MYO6: variants seen among roughly 807,000 people sequenced by gnomAD.
The protein encoded by MYO6 is myosin VI.
In MYO6, 74 loss-of-function variants were observed where a neutral mutation model predicts 178.7. The observed-to-expected ratio is 0.41, with a 90% CI of 0.34 to 0.50. The LOEUF is 0.50. Among genes scored for constraint, MYO6 ranks in the 20% least tolerant of loss-of-function variants. The pLI is 0.09. For synonymous variants in MYO6, 477 were observed against 504.6 expected, an observed-to-expected ratio of 0.95 and a Z score of 0.73; for missense variants, 1,330 against 1,547.4, an observed-to-expected ratio of 0.86 and a Z score of 2.36.
Position 75,848,336 on chromosome 6 carries a change from C to T in MYO6, c.898-15C>T. ...AATGTAACGATCAGTTAATTGGTGT[C>T]TTCTTGTTTTGTAGTACCTTAAGGC... On this transcript the variant is annotated splice_polypyrimidine_tract_variant and intron_variant, in intron 10 of 34. Coordinates refer to ENST00000369977, the MANE Select transcript of MYO6 (RefSeq NM_004999.4). The T allele has an allele frequency of 2.5e-6, 4 of 1,610,642 alleles. No homozygotes were observed. In the South Asian group the frequency reaches 4.4e-5, roughly 18 times the overall value.
Position 75,886,083 on chromosome 6 carries a change from A to G in MYO6, c.2496A>G (p.Arg832=), listed in dbSNP as rs1482421909. The change falls in exon 24 of 35, where the codon AGA becomes AGG. Residue 832 remains arginine (R), a synonymous_variant. Transcript: ENST00000369977. ...KTIRMWLCKR[R]HKPRIDGLVK... Reference sequence around the variant, plus strand: ...TTCGAATGTGGCTTTGCAAGAGGAGACACAAACCTCGGTAAGATGAATAGT... The same window carrying G: ...TTCGAATGTGGCTTTGCAAGAGGAGGCACAAACCTCGGTAAGATGAATAGT... 3 of 1,607,322 alleles carry G rather than the reference A, an allele frequency of 1.9e-6. No homozygotes were observed. The highest frequency in any genetic ancestry group is 1.7e-6 in the Non-Finnish European group (2 of 1,174,212).
chr6:75,854,275 C>CTTTTTTTTTTTTTTTTTTTTT (rs61398235), intron 11 of MYO6, among the ~76,000 whole-genome samples: 2 of 45,498 alleles, frequency 4.4e-5, no homozygotes, highest in African/African-American at 1.1e-4. Flanking sequence ...AACTGCATTG[C>CTTTTTTTTTTTTTTTTTTTTT]TTTTTTTTTT....
intron 34 of MYO6, 62 bp from the exon 35 acceptor site, chr6:75,914,751 C>T (rs771055550): frequency 1.9e-5 from 28 of 1,500,024 alleles, no homozygotes; most frequent in Non-Finnish European, 2.6e-5. Context: ...TTCAGGCATA[C>T]AACTGGTAAG....
intron 11 of MYO6, 56 bp downstream of exon 11, chr6:75,848,587 T>A: frequency 6.4e-7 from 1 of 1,556,846 alleles, no homozygotes; most frequent in African/African-American, 1.4e-5. Flanking sequence ...CTGTTATTTA[T>A]TTGTCATATG....
chr6:75,776,327 T>C (rs771275069), intron 1 of MYO6, among the ~76,000 whole-genome samples: 6 of 152,224 alleles, frequency 3.9e-5, no homozygotes, highest in Non-Finnish European at 5.9e-5. Context: ...GTGGTAAGAT[T>C]GGGCTAGTCA....
intron 1 of MYO6, among the ~76,000 whole-genome samples, chr6:75,801,031 C>T (rs529867058): frequency 1.2e-4 from 18 of 152,044 alleles, no homozygotes; most frequent in African/African-American, 3.1e-4. Context: ...CCACATGGGG[C>T]GTTATTAGCA....
At chr6:75,809,922 A>C (rs983196326) in intron 1 of MYO6, among the ~76,000 whole-genome samples, 1 of 151,302 alleles carries the variant, frequency 6.6e-6, no homozygotes, top group African/African-American at 2.4e-5. Flanking sequence ...AAAAACAAAA[A>C]AAAAAGCAAA....
intron 18 of MYO6, 124 bp from the exon 19 acceptor site, chr6:75,870,523 G>A (rs1777062613): frequency 1.3e-6 from 1 of 767,142 alleles, no homozygotes; most frequent in African/African-American, 1.7e-5. Flanking sequence ...TGTTAAACTG[G>A]AATGTGTTGT....
At chr6:75,883,443 C>T (rs1283889771) in intron 23 of MYO6, among the ~76,000 whole-genome samples, 1 of 152,032 alleles carries the variant, frequency 6.6e-6, no homozygotes, top group East Asian at 1.9e-4. Context: ...TGTTCATATT[C>T]ATTTTCTTCA....
intron 1 of MYO6, among the ~76,000 whole-genome samples, chr6:75,791,926 T>A (rs914442401): frequency 6.6e-6 from 1 of 151,276 alleles, no homozygotes; most frequent in Non-Finnish European, 1.5e-5. Context: ...AGAATTTTTC[T>A]GTGGCAAAAT....
At chr6:75,872,610 GT>G (rs762015651) in intron 19 of MYO6, among the ~76,000 whole-genome samples, 1 of 152,092 alleles carries the variant, frequency 6.6e-6, no homozygotes, top group Non-Finnish European at 1.5e-5. Flanking sequence ...TGCAAAGTGT[GT>G]TGTTTAAATA....
chr6:75,752,469 C>CA (rs1347855451), intron 1 of MYO6, among the ~76,000 whole-genome samples: 2 of 152,164 alleles, frequency 1.3e-5, no homozygotes, highest in African/African-American at 4.8e-5. Flanking sequence ...AGTCTAGTCT[C>CA]AAAGAATTAA....
intron 1 of MYO6, among the ~76,000 whole-genome samples, chr6:75,807,469 T>C (rs980771314): frequency 7.9e-5 from 12 of 152,178 alleles, no homozygotes; most frequent in African/African-American, 2.4e-5. Context: ...GATTTTTTTT[T>C]CCTGGTATTT....
intron 1 of MYO6, among the ~76,000 whole-genome samples, chr6:75,755,359 T>G (rs1777259691): frequency 6.6e-6 from 1 of 152,202 alleles, no homozygotes; most frequent in African/African-American, 2.4e-5. Context: ...GCTTATGTAT[T>G]TAACCTCACA....
chr6:75,844,018 T>G (rs1774490165), intron 9 of MYO6, among the ~76,000 whole-genome samples: 1 of 152,184 alleles, frequency 6.6e-6, no homozygotes, highest in African/African-American at 2.4e-5. Context: ...TTGTCCATCC[T>G]GTTCTCTGTG....
intron 7 of MYO6, among the ~76,000 whole-genome samples, chr6:75,837,891 C>T (rs941202434): frequency 1.3e-5 from 2 of 152,102 alleles, no homozygotes; most frequent in African/African-American, 4.8e-5. Context: ...TGGGCTACCT[C>T]AGTAAAAGAC....
intron 1 of MYO6, among the ~76,000 whole-genome samples, chr6:75,813,042 T>A (rs1770848566): frequency 6.6e-6 from 1 of 152,220 alleles, no homozygotes; most frequent in Admixed American, 6.5e-5. Flanking sequence ...AGTAGTTATA[T>A]TAAATGGTTT....
Position 75,848,482 on chromosome 6 carries a change from C to A in MYO6, c.1029C>A (p.Gly343=), listed in dbSNP as rs752948085. 1 of 1,613,652 alleles carries A rather than the reference C, an allele frequency of 6.2e-7. No homozygotes were observed. Among genetic ancestry groups the A allele is most frequent in the Non-Finnish European group, 8.5e-7 (1 of 1,179,768 alleles). The change falls in exon 11 of 35, where the codon GGC becomes GGA. Residue 343 remains glycine (G), a synonymous_variant. Coordinates refer to ENST00000369977, the MANE Select transcript of MYO6 (RefSeq NM_004999.4). ...EKLDLFRVVA[G]VLHLGNIDFE... is the part of the protein sequence containing the mutation. ...TTGATCTCTTCCGGGTAGTAGCTGG[C>A]GTCCTGCACCTTGGAAATATTGATT...
chr6:75,885,519 G>T (rs1778359745), intron 23 of MYO6, among the ~76,000 whole-genome samples: 1 of 151,660 alleles, frequency 6.6e-6, no homozygotes, highest in South Asian at 2.1e-4. Context: ...CACGATCTCA[G>T]CTCACCGCAA....
Sources: allele counts gnomAD v4.1 joint callset (sites outside exome capture counted in the v4.1 genomes callset), GRCh38; gene constraint gnomAD v4.1.1; transcripts MANE v1.5; gene names NCBI Gene and HGNC (gene_info 2026-07-23, HGNC 2026-07-21).